The following ERFE variants were observed in gnomAD, a reference collection of about 807,000 sequenced individuals.
The protein encoded by ERFE is complement C1q tumor necrosis factor-related protein 15.
Under a neutral mutation model 26.6 loss-of-function variants are expected in ERFE, and 25 were observed. That is an observed-to-expected ratio of 0.94 (90% CI 0.69 to 1.31). The LOEUF (loss-of-function observed/expected upper bound fraction) is 1.31. Ranked by LOEUF, ERFE falls within the 40% of genes most tolerant of loss-of-function variation. ERFE has a pLI of 0.00. For missense variants in ERFE, 447 were observed against 440.2 expected (o/e 1.02, Z -0.14); for synonymous variants, 206 against 204.5 (o/e 1.01, Z -0.06).
intron 3 of ERFE, 118 bp from the exon 4 acceptor site, chr2:238,163,619 C>T: frequency 8.5e-7 from 1 of 1,173,788 alleles, no homozygotes; most frequent in Non-Finnish European, 1.1e-6. Flanking sequence ...GTCGCCCTCG[C>T]CCCACCCCTG....
In ERFE at chr2:238,163,916, G is replaced by T; in HGVS notation, c.604G>T (p.Val202Leu). The change falls in exon 4 of 8, where the codon GTG (valine) becomes TTG (leucine). Residue 202 changes from valine (V) to leucine (L), a missense_variant. Val to Leu is a conservative substitution (Grantham distance 32). Coordinates refer to ENST00000546354, the MANE Select transcript of ERFE (RefSeq NM_001291832.2). ...GGCCCCGGGGCCGCGGGCGCCGCGC[G>T]TGGAGGCCGCTTTCCTCTGCCGCCT... ...PLAPGPRAPR[V>L]EAAFLCRLRR... is the part of the protein sequence containing the mutation. 7.5e-7 allele frequency: 1 copy of T among 1,328,556 alleles called. No homozygotes were observed. The highest frequency in any genetic ancestry group is 9.5e-7 in the Non-Finnish European group (1 of 1,048,656). 82.3% of individuals were successfully genotyped at this position (1,328,556 alleles called of 1,614,324 possible).
chr2:238,159,047 C>T lies in ERFE; in HGVS notation c.40C>T (p.Leu14Phe), dbSNP rs1406163686. ...ARRPAGARLL[L>F]VYAGLLAAAA... ...CCGCCCCGCCGGAGCCCGCCTGCTG[C>T]TCGTCTACGCGGGCCTGCTGGCCGC... Residue 14 changes from leucine (L) to phenylalanine (F), a missense_variant, in exon 1 of 8, where the codon CTC becomes TTC. Leu to Phe is a conservative substitution (Grantham distance 22). Transcript: ENST00000546354. 3 of 258,438 alleles carry T rather than the reference C, an allele frequency of 1.2e-5. No homozygotes were observed. Among genetic ancestry groups the T allele is most frequent in the African/African-American group, 6.9e-5 (3 of 43,584 alleles). The allele number at this position is 258,438 out of a possible 1,614,324, so 16.0% of individuals were successfully genotyped here.
chr2:238,163,922 G>T lies in ERFE; in HGVS notation c.610G>T (p.Ala204Ser). 7.5e-7 allele frequency: 1 copy of T among 1,337,420 alleles called. No homozygotes were observed. The highest frequency in any genetic ancestry group is 9.5e-7 in the Non-Finnish European group (1 of 1,052,702). 82.8% of individuals were successfully genotyped at this position (1,337,420 alleles called of 1,614,324 possible). A position where few individuals can be genotyped will look rare whatever the true frequency, so the allele number is the denominator to read the frequency against. The change falls in exon 4 of 8, where the codon GCC becomes TCC. Residue 204 changes from alanine to serine, a missense_variant. Coordinates refer to ENST00000546354, the MANE Select transcript of ERFE (RefSeq NM_001291832.2). ...GGGGCCGCGGGCGCCGCGCGTGGAG[G>T]CCGCTTTCCTCTGCCGCCTGCGCCG... ...APGPRAPRVE[A>S]AFLCRLRRDA...
At position 238,159,133 on chromosome 2, in the gene ERFE, GGAGCCGCCGCCCGGGAAC is replaced by G. The variant is rs1692898691; in HGVS notation, c.131_148del (p.Pro44_Glu49del). On this transcript the variant is annotated inframe_deletion, in exon 1 of 8. Transcript: ENST00000546354. ...CGCCCTCGAGGAGCCGCGCCCGCAG[GGAGCCGCCGCCCGGGAAC>G]GAGCTGCCCCGGGGCCCCGGGGAGA... is the stretch of plus-strand genomic sequence containing the variant. The G allele has an allele frequency of 9.8e-6, 2 of 203,640 alleles. No individual in the cohort carries two copies. The highest frequency in any genetic ancestry group is 1.9e-5 in the Non-Finnish European group (2 of 104,038). 12.6% of individuals were successfully genotyped at this position (203,640 alleles called of 1,614,324 possible). A position where few individuals can be genotyped will look rare whatever the true frequency, so the allele number is the denominator to read the frequency against.
At chr2:238,166,927 C>G in intron 7 of ERFE, 29 bp from the exon 8 acceptor site, 2 of 1,539,440 alleles carry the variant, frequency 1.3e-6, no homozygotes, top group Non-Finnish European at 1.8e-6. Context: ...TTGGGGTGGC[C>G]CAGTGCCTCA....
At chr2:238,159,452 AC>A (rs533827860) in intron 1 of ERFE, among the ~76,000 whole-genome samples, 93 of 152,184 alleles carry the variant, frequency 6.1e-4, no homozygotes, top group Non-Finnish European at 8.8e-4. Flanking sequence ...GGTCGGCGAA[AC>A]CCCCCTTTTC....
At position 238,164,019 on chromosome 2, in the gene ERFE, A is replaced by G; in HGVS notation, c.687+20A>G. ...TACCTGGTGAGTGCCGGCGCGCGGG[A>G]GGGCGGGTGAGTCCGGCCGGGCGGG... On this transcript the variant is annotated intron_variant, in intron 4 of 7. Coordinates refer to ENST00000546354, the MANE Select transcript of ERFE (RefSeq NM_001291832.2). The G allele has an allele frequency of 7.3e-7, 1 of 1,371,624 alleles. No homozygotes were observed. The highest frequency in any genetic ancestry group is 9.4e-7 in the Non-Finnish European group (1 of 1,068,958). 85.0% of individuals were successfully genotyped at this position (1,371,624 alleles called of 1,614,324 possible).
At chr2:238,162,600 G>C (rs927653353) in intron 2 of ERFE, 136 bp from the exon 3 acceptor site, 24 of 686,456 alleles carry the variant, frequency 3.5e-5, no homozygotes, top group Non-Finnish European at 5.6e-5. Context: ...CTTTCACTGA[G>C]GTAGATCCTT....
At position 238,167,184 on chromosome 2, in the gene ERFE, T is replaced by C. The variant is rs1456905632; in HGVS notation, c.*130T>C. On this transcript the variant is annotated 3_prime_UTR_variant, in exon 8 of 8. Transcript: ENST00000546354. ...CCGGAACTCTGCCCACACTGGCCAC[T>C]GCAGTTCAGCCCACAGAGCCACTGC... 1.0e-6 allele frequency: 1 copy of C among 966,986 alleles called. No individual in the cohort carries two copies. Among genetic ancestry groups the C allele is most frequent in the Non-Finnish European group, 1.6e-6 (1 of 626,890 alleles). 59.9% of individuals were successfully genotyped at this position (966,986 alleles called of 1,614,324 possible).
intron 5 of ERFE, 34 bp from the exon 6 acceptor site, chr2:238,164,236 C>T: frequency 6.9e-7 from 1 of 1,439,636 alleles, no homozygotes; most frequent in Non-Finnish European, 9.0e-7. Context: ...CCCCGCCGCC[C>T]GCCCGCTTGA....
At chr2:238,160,946 A>C (rs1038405047) in intron 1 of ERFE, among the ~76,000 whole-genome samples, 1 of 152,200 alleles carries the variant, frequency 6.6e-6, no homozygotes, top group Non-Finnish European at 1.5e-5. Context: ...GCGGACAGGA[A>C]TGGGAACTTC....
Position 238,163,938 on chromosome 2 carries a change from G to GC in ERFE, c.628dup (p.Leu210ProfsTer100). Reference sequence around the variant, plus strand: ...CGCGTGGAGGCCGCTTTCCTCTGCCGCCTGCGCCGGGACGCGTTGGTGGAG... The same window carrying GC: ...CGCGTGGAGGCCGCTTTCCTCTGCCGCCCTGCGCCGGGACGCGTTGGTGGAG... On this transcript the variant is annotated frameshift_variant, in exon 4 of 8. Coordinates refer to ENST00000546354, the MANE Select transcript of ERFE (RefSeq NM_001291832.2). LOFTEE classifies it high-confidence loss of function. The GC allele has an allele frequency of 7.3e-7, 1 of 1,368,470 alleles. No individual in the cohort carries two copies. The allele number at this position is 1,368,470 out of a possible 1,614,324, so 84.8% of individuals were successfully genotyped here.
intron 7 of ERFE, 103 bp from the exon 8 acceptor site, chr2:238,166,853 A>C: frequency 1.0e-6 from 1 of 972,434 alleles, no homozygotes; most frequent in Non-Finnish European, 1.6e-6. Context: ...CCCTTCCCAA[A>C]AGCGGGGCTG....
rs1693080625 is a variant in ERFE, at chr2:238,168,292, G to A, written c.*1238G>A. On this transcript the variant is annotated 3_prime_UTR_variant, in exon 8 of 8. Coordinates refer to ENST00000546354, the MANE Select transcript of ERFE (RefSeq NM_001291832.2). ...ACTGTCCCAGAGTAGGTAGTGAAGA[G>A]GACAAGGCCCTCGGCAGCGACCTCC... 2 of 433,508 alleles carry A rather than the reference G, an allele frequency of 4.6e-6. No homozygotes were observed. The highest frequency in any genetic ancestry group is 9.5e-6 in the Non-Finnish European group (2 of 211,126). 26.9% of individuals were successfully genotyped at this position (433,508 alleles called of 1,614,324 possible).
intron 1 of ERFE, among the ~76,000 whole-genome samples, chr2:238,160,580 G>T (rs952918677): frequency 1.3e-5 from 2 of 152,086 alleles, no homozygotes; most frequent in Admixed American, 6.6e-5. Context: ...CCCTTTCTCC[G>T]CCCAACCACA....
intron 1 of ERFE, among the ~76,000 whole-genome samples, chr2:238,161,059 C>G (rs971667197): frequency 6.6e-6 from 1 of 152,248 alleles, no homozygotes; most frequent in Non-Finnish European, 1.5e-5. Flanking sequence ...TCCTCTCCCC[C>G]ACTGGACTGT....
At chr2:238,161,490 TCCCAGAGTACAGAAGG>T (rs952153387) in intron 1 of ERFE, 88 bp from the exon 2 acceptor site, 68 of 1,356,420 alleles carry the variant, frequency 5.0e-5, no homozygotes, top group Non-Finnish European at 6.5e-5. Context: ...AGGACCAGGG[TCCCAGAGTACAGAAGG>T]CCACACAGTC....
chr2:238,163,924 C>T lies in ERFE; in HGVS notation c.612C>T (p.Ala204=), dbSNP rs150723046. 2,734 of 1,345,582 alleles carry T rather than the reference C, an allele frequency of 2.0e-3. 46 individuals carry two copies. The African/African-American group carries it at 0.037, about 18-fold the overall frequency. 83.4% of individuals were successfully genotyped at this position (1,345,582 alleles called of 1,614,324 possible). A position where few individuals can be genotyped will look rare whatever the true frequency, so the allele number is the denominator to read the frequency against. The change falls in exon 4 of 8, where the codon GCC becomes GCT. Residue 204 remains alanine (A), a synonymous_variant. Coordinates refer to ENST00000546354, the MANE Select transcript of ERFE (RefSeq NM_001291832.2). ...GGCCGCGGGCGCCGCGCGTGGAGGCCGCTTTCCTCTGCCGCCTGCGCCGGG... is the reference window on the plus strand; with the variant it reads ...GGCCGCGGGCGCCGCGCGTGGAGGCTGCTTTCCTCTGCCGCCTGCGCCGGG... ...APGPRAPRVE[A]AFLCRLRRDA...
intron 2 of ERFE, among the ~76,000 whole-genome samples, 196 bp downstream of exon 2, chr2:238,161,912 C>G (rs1339724208): frequency 6.6e-6 from 1 of 152,230 alleles, no homozygotes. Context: ...CATTTCCCCA[C>G]ACCCCTAAAA....
Sources: gnomAD v4.1 joint callset for allele counts (sites outside exome capture counted in the v4.1 genomes callset) on GRCh38, gnomAD v4.1.1 for gene constraint, MANE v1.5 for transcripts, NCBI Gene and HGNC (gene_info 2026-07-23, HGNC 2026-07-21) for gene names.